The following NEK1 variants were observed in gnomAD, a reference collection of about 807,000 sequenced individuals.
The protein encoded by NEK1 is serine/threonine-protein kinase Nek1.
In NEK1, 137 loss-of-function variants were observed where a neutral mutation model predicts 182.1. The ratio of observed to expected loss-of-function variants is 0.75; its 90% CI spans 0.65 to 0.87. NEK1 has a LOEUF of 0.87. Ranked by LOEUF, NEK1 falls within the 40% of genes least tolerant of loss-of-function variation. NEK1 has a pLI of 0.00. For missense variants in NEK1, 1,391 were observed against 1,494.4 expected, an observed-to-expected ratio of 0.93 and a Z score of 1.14; for synonymous variants, 513 against 492.2, an observed-to-expected ratio of 1.04 and a Z score of -0.56.
chr4:169,497,326 T>C (rs1452933934), intron 23 of NEK1, among the ~76,000 whole-genome samples: 1 of 152,240 alleles, frequency 6.6e-6, no homozygotes, highest in Non-Finnish European at 1.5e-5. Flanking sequence ...TAGCGGTCTA[T>C]CAATTTTGTT....
chr4:169,443,488 A>G (rs1022445186), intron 27 of NEK1, among the ~76,000 whole-genome samples: 3 of 151,992 alleles, frequency 2.0e-5, no homozygotes, highest in African/African-American at 7.2e-5. Flanking sequence ...AATAAAGAAA[A>G]GGATAAAAGA....
At chr4:169,534,800 C>T (rs911137286) in intron 19 of NEK1, among the ~76,000 whole-genome samples, 4 of 152,014 alleles carry the variant, frequency 2.6e-5, no homozygotes, top group African/African-American at 4.8e-5. Context: ...AAATACGCAA[C>T]GCTTGGTATC....
At chr4:169,500,292 G>A (rs28830920) in intron 23 of NEK1, among the ~76,000 whole-genome samples, 280 of 152,206 alleles carry the variant, frequency 1.8e-3, no homozygotes, top group African/African-American at 4.8e-3. Flanking sequence ...TCCAGGTGCC[G>A]TCTGTCACCC....
intron 19 of NEK1, among the ~76,000 whole-genome samples, chr4:169,515,327 T>C (rs1201784582): frequency 6.6e-6 from 1 of 152,198 alleles, no homozygotes; most frequent in Non-Finnish European, 1.5e-5. Context: ...AGCTATTCTA[T>C]ATCCTTGCTG....
intron 2 of NEK1, among the ~76,000 whole-genome samples, chr4:169,609,572 T>C: frequency 6.6e-6 from 1 of 152,256 alleles, no homozygotes; most frequent in East Asian, 1.9e-4. Context: ...CATAAGTATA[T>C]ATGCTTACAG....
intron 19 of NEK1, among the ~76,000 whole-genome samples, chr4:169,533,000 GTCTAA>G (rs1757918846): frequency 6.6e-6 from 1 of 152,064 alleles, no homozygotes; most frequent in Non-Finnish European, 1.5e-5. Flanking sequence ...CCTCTACTTA[GTCTAA>G]TCTACTGTCT....
Position 169,563,506 on chromosome 4 carries a change from C to T in NEK1, c.1021-1310G>A, listed in dbSNP as rs201280888. 5.3e-5 allele frequency among the ~76,000 whole-genome samples: 8 copies of T among 152,240 alleles called. No individual in the cohort carries two copies. In the South Asian group the frequency reaches 6.2e-4, roughly 12 times the overall value. ...TTAATAGTTTAATGCTGCTTCACCA[C>T]GATTTTCTAGGTAGGTAATCATATC... On this transcript the variant is annotated intron_variant, in intron 12 of 35. Transcript: ENST00000507142.
intron 31 of NEK1, among the ~76,000 whole-genome samples, chr4:169,415,049 G>A (rs1374793750): frequency 6.6e-6 from 1 of 152,294 alleles, no homozygotes; most frequent in Admixed American, 6.5e-5. Context: ...ATAGAGCACT[G>A]CATGGCATGC....
intron 18 of NEK1, among the ~76,000 whole-genome samples, chr4:169,550,750 C>T (rs1373344190): frequency 1.3e-5 from 2 of 152,130 alleles, no homozygotes; most frequent in African/African-American, 4.8e-5. Context: ...CCAATAGTGG[C>T]ATAACTAATG....
chr4:169,515,093 T>A (rs1329981575), intron 19 of NEK1, among the ~76,000 whole-genome samples: 1 of 152,198 alleles, frequency 6.6e-6, no homozygotes, highest in Non-Finnish European at 1.5e-5. Context: ...ACCCATGGTT[T>A]ATTTAAAAGT....
At chr4:169,455,871 G>A (rs992735983) in intron 27 of NEK1, among the ~76,000 whole-genome samples, 3 of 152,116 alleles carry the variant, frequency 2.0e-5, no homozygotes, top group African/African-American at 7.2e-5. Flanking sequence ...GGACCTAATC[G>A]ATATCTACAG....
intron 23 of NEK1, among the ~76,000 whole-genome samples, chr4:169,506,278 G>C (rs563966646): frequency 9.9e-5 from 15 of 152,162 alleles, no homozygotes; most frequent in African/African-American, 3.6e-4. Flanking sequence ...ACAGAGCAAA[G>C]GAGAAAGCCC....
chr4:169,507,654 C>A, intron 22 of NEK1, 61 bp downstream of exon 22: 1 of 1,232,946 alleles, frequency 8.1e-7, no homozygotes, highest in South Asian at 1.3e-5. Context: ...CTTAAGAACA[C>A]AATTTGCTAT....
At chr4:169,474,743 T>C (rs1270750381) in intron 26 of NEK1, among the ~76,000 whole-genome samples, 1 of 152,226 alleles carries the variant, frequency 6.6e-6, no homozygotes, top group African/African-American at 2.4e-5. Context: ...ATGAACTCTT[T>C]GAACAGTTTC....
At position 169,433,449 on chromosome 4, in the gene NEK1, G is replaced by T. The variant is rs1032415785; in HGVS notation, c.2885+96C>A. ...CTTTTATAAGGTATTACAATATTAGGATATTATGTTGCAATATTAGCTTAT... is the reference window on the plus strand; with the variant it reads ...CTTTTATAAGGTATTACAATATTAGTATATTATGTTGCAATATTAGCTTAT... On this transcript the variant is annotated intron_variant, in intron 29 of 35. Coordinates refer to ENST00000507142, the MANE Select transcript of NEK1 (RefSeq NM_001199397.3). 1.1e-5 allele frequency: 12 copies of T among 1,124,422 alleles called. No individual in the cohort carries two copies. In the Admixed American group the frequency reaches 2.7e-4, roughly 25 times the overall value. 69.7% of individuals were successfully genotyped at this position (1,124,422 alleles called of 1,614,324 possible). A position where few individuals can be genotyped will look rare whatever the true frequency, so the allele number is the denominator to read the frequency against.
intron 11 of NEK1, among the ~76,000 whole-genome samples, chr4:169,579,982 T>C (rs1170196783): frequency 2.0e-5 from 3 of 152,204 alleles, no homozygotes; most frequent in African/African-American, 7.2e-5. Context: ...CCATTGATTT[T>C]AGAAATCCAT....
chr4:169,513,427 T>A (rs530534368), intron 19 of NEK1, among the ~76,000 whole-genome samples: 2 of 152,338 alleles, frequency 1.3e-5, no homozygotes, highest in East Asian at 3.9e-4. Flanking sequence ...TGATCTTGTA[T>A]CCTGCAACTA....
chr4:169,406,532 C>T (rs1466453370), intron 32 of NEK1, 64 bp downstream of exon 32: 5 of 1,221,794 alleles, frequency 4.1e-6, no homozygotes, highest in Non-Finnish European at 5.5e-6. Flanking sequence ...TAAGTTATCC[C>T]CTCTTTTTTA....
chr4:169,486,828 C>T (rs891596397), intron 23 of NEK1, among the ~76,000 whole-genome samples: 6 of 152,212 alleles, frequency 3.9e-5, no homozygotes, highest in Admixed American at 2.0e-4. Context: ...CAAGAATTTA[C>T]ATTCAAAATA....
Sources: gnomAD v4.1 joint callset for allele counts (sites outside exome capture counted in the v4.1 genomes callset) on GRCh38, gnomAD v4.1.1 for gene constraint, MANE v1.5 for transcripts, NCBI Gene and HGNC (gene_info 2026-07-23, HGNC 2026-07-21) for gene names.